Variants in SLIT2 observed in about 807,000 individuals in gnomAD.
The protein encoded by SLIT2 is slit guidance ligand 2.
In SLIT2, 41 loss-of-function variants were observed where a neutral mutation model predicts 185.7. That is an observed-to-expected ratio of 0.22 (90% CI 0.17 to 0.29). SLIT2 has a LOEUF of 0.29. Ranked by LOEUF, SLIT2 falls within the 10% of genes least tolerant of loss-of-function variation. SLIT2 has a pLI of 1.00. For synonymous variants in SLIT2, 693 were observed against 680.2 expected (o/e 1.02, Z -0.29); for missense variants, 1,571 against 1,909.0 (o/e 0.82, Z 3.30).
At chr4:20,601,624 T>C (rs953121481) in intron 33 of SLIT2, among the ~76,000 whole-genome samples, 2 of 152,196 alleles carry the variant, frequency 1.3e-5, no homozygotes, top group Admixed American at 1.3e-4. Context: ...TGGCCTTTTT[T>C]CAAATGCCAG....
At chr4:20,293,130 G>T (rs945723022) in intron 4 of SLIT2, among the ~76,000 whole-genome samples, 2 of 152,200 alleles carry the variant, frequency 1.3e-5, no homozygotes, top group African/African-American at 4.8e-5. Flanking sequence ...CATTGACTGG[G>T]AAAAAGTTCA....
At chr4:20,460,283 A>G (rs1713560671) in intron 4 of SLIT2, among the ~76,000 whole-genome samples, 1 of 152,100 alleles carries the variant, frequency 6.6e-6, no homozygotes, top group African/African-American at 2.4e-5. Context: ...TGTTTATCAT[A>G]TTGTCTAACA....
intron 4 of SLIT2, among the ~76,000 whole-genome samples, chr4:20,372,550 A>T (rs893525075): frequency 6.6e-5 from 10 of 152,182 alleles, no homozygotes; most frequent in African/African-American, 2.2e-4. Flanking sequence ...TTTATAATTT[A>T]TATCTTTAAC....
intron 4 of SLIT2, among the ~76,000 whole-genome samples, chr4:20,352,680 G>A (rs970399980): frequency 2.6e-5 from 4 of 152,160 alleles, no homozygotes; most frequent in South Asian, 2.1e-4. Context: ...TTGGGAGGCC[G>A]AGGCAGGCAG....
At chr4:20,616,627 T>C (rs61790715) in intron 34 of SLIT2, 54,659 of 306,068 alleles carry the variant, frequency 0.18, 5,247 homozygotes, top group African/African-American at 0.24. Context: ...TATATTTGTG[T>C]ACATGTAAAG....
intron 4 of SLIT2, among the ~76,000 whole-genome samples, chr4:20,291,527 G>T (rs1450899524): frequency 2.2e-5 from 2 of 92,854 alleles, no homozygotes; most frequent in African/African-American, 4.0e-5. Context: ...TTTTTTTACA[G>T]CAATGCTATG....
intron 7 of SLIT2, among the ~76,000 whole-genome samples, chr4:20,487,728 A>G (rs1367201753): frequency 1.3e-5 from 2 of 152,232 alleles, no homozygotes; most frequent in Non-Finnish European, 2.9e-5. Context: ...GTTGTGAAGC[A>G]AAACATTGTG....
chr4:20,578,577 G>A (rs537453283), intron 29 of SLIT2, among the ~76,000 whole-genome samples: 3 of 152,172 alleles, frequency 2.0e-5, no homozygotes, highest in African/African-American at 7.2e-5. Context: ...CAGTACCCTC[G>A]CCACCTCTTT....
At chr4:20,290,178 C>T (rs1417413637) in intron 4 of SLIT2, among the ~76,000 whole-genome samples, 1 of 152,162 alleles carries the variant, frequency 6.6e-6, no homozygotes, top group Admixed American at 6.5e-5. Flanking sequence ...TTACCTAATC[C>T]CCCAGGTTAA....
chr4:20,544,932 CGAA>C (rs1560182792), intron 21 of SLIT2, among the ~76,000 whole-genome samples: 1 of 151,660 alleles, frequency 6.6e-6, no homozygotes, highest in Non-Finnish European at 1.5e-5. Context: ...GGAGAGGGGT[CGAA>C]GAAGAAATAT....
At chr4:20,379,348 AT>A (rs2109337860) in intron 4 of SLIT2, among the ~76,000 whole-genome samples, 1 of 152,292 alleles carries the variant, frequency 6.6e-6, no homozygotes, top group Non-Finnish European at 1.5e-5. Context: ...TTATTATAAC[AT>A]TTTTGAGAAG....
intron 4 of SLIT2, among the ~76,000 whole-genome samples, chr4:20,463,450 T>TAGATATATAG (rs1440893392): frequency 9.7e-5 from 2 of 20,554 alleles, no homozygotes; most frequent in Admixed American, 8.0e-4. Flanking sequence ...CAAACTGTGA[T>TAGATATATAG]ATATATATAT....
At chr4:20,427,536 G>A (rs1728650871) in intron 4 of SLIT2, among the ~76,000 whole-genome samples, 1 of 152,124 alleles carries the variant, frequency 6.6e-6, no homozygotes, top group Admixed American at 6.5e-5. Context: ...TATGAGTATG[G>A]TATTTTGTGT....
chr4:20,355,225 A>G (rs991791275), intron 4 of SLIT2, among the ~76,000 whole-genome samples: 1 of 152,156 alleles, frequency 6.6e-6, no homozygotes, highest in African/African-American at 2.4e-5. Flanking sequence ...CTGAATGAAT[A>G]TTAAATCATA....
At chr4:20,589,297 G>C (rs1727313437) in intron 29 of SLIT2, among the ~76,000 whole-genome samples, 1 of 152,036 alleles carries the variant, frequency 6.6e-6, no homozygotes, top group Non-Finnish European at 1.5e-5. Flanking sequence ...CATCCTTTGG[G>C]TCTATGCTAT....
intron 4 of SLIT2, among the ~76,000 whole-genome samples, chr4:20,322,967 T>C (rs529507546): frequency 8.5e-4 from 130 of 152,290 alleles, no homozygotes; most frequent in Non-Finnish European, 1.3e-3. Flanking sequence ...TAAAAATGCT[T>C]CAGAGTTTGC....
chr4:20,564,783 A>ATT (rs3836702), intron 26 of SLIT2, among the ~76,000 whole-genome samples: 3 of 148,292 alleles, frequency 2.0e-5, no homozygotes, highest in Admixed American at 6.7e-5. Context: ...TGTTATCTTG[A>ATT]TTTTTTTTTT....
At chr4:20,406,231 T>C (rs1353439024) in intron 4 of SLIT2, among the ~76,000 whole-genome samples, 1 of 144,366 alleles carries the variant, frequency 6.9e-6, no homozygotes, top group African/African-American at 2.4e-5. Context: ...TAGAATAGTT[T>C]CCAAATCCTT....
intron 4 of SLIT2, among the ~76,000 whole-genome samples, chr4:20,437,775 C>T (rs1729451812): frequency 6.6e-6 from 1 of 151,758 alleles, no homozygotes; most frequent in Non-Finnish European, 1.5e-5. Flanking sequence ...ATTAGCTGGG[C>T]ATGGTGGCGG....
Sources: allele counts gnomAD v4.1 joint callset (sites outside exome capture counted in the v4.1 genomes callset), GRCh38; gene constraint gnomAD v4.1.1; transcripts MANE v1.5; gene names NCBI Gene and HGNC (gene_info 2026-07-23, HGNC 2026-07-21).